KHDRBS2: variants seen among roughly 807,000 people sequenced by gnomAD.
The protein encoded by KHDRBS2 is KH domain-containing, RNA-binding, signal transduction-associated protein 2.
A neutral mutation model predicts 44.3 loss-of-function variants in KHDRBS2; 26 were observed. The ratio of observed to expected loss-of-function variants is 0.59; its 90% CI spans 0.43 to 0.81. The LOEUF (loss-of-function observed/expected upper bound fraction) is 0.81, where lower values mean the gene tolerates loss of function less well. Among genes scored for constraint, KHDRBS2 ranks in the 40% least tolerant of loss-of-function variants. The pLI, the probability that KHDRBS2 is intolerant of heterozygous loss-of-function variation, is 0.00. For synonymous variants in KHDRBS2, 194 were observed against 151.1 expected (o/e 1.28, Z -2.08); for missense variants, 476 against 433.1 (o/e 1.10, Z -0.88).
chr6:61,637,895 T>A, the KHDRBS2 span, among the ~76,000 whole-genome samples: 1 of 152,144 alleles, frequency 6.6e-6, no homozygotes. Flanking sequence ...GTTTTTTTCT[T>A]GTAAATTTGT....
intron 3 of KHDRBS2, among the ~76,000 whole-genome samples, chr6:62,034,894 T>A (rs1351128752): frequency 6.6e-6 from 1 of 151,888 alleles, no homozygotes. Context: ...GGTGTCCACA[T>A]CATTGATCAT....
At chr6:62,067,445 T>C (rs1793993893) in intron 2 of KHDRBS2, among the ~76,000 whole-genome samples, 1 of 151,546 alleles carries the variant, frequency 6.6e-6, no homozygotes, top group Non-Finnish European at 1.5e-5. Context: ...TAAATTTAAA[T>C]TGTCATGGCT....
intron 2 of KHDRBS2, among the ~76,000 whole-genome samples, chr6:62,143,417 G>A (rs932381669): frequency 2.0e-5 from 3 of 151,914 alleles, no homozygotes; most frequent in African/African-American, 7.2e-5. Context: ...ATATTTAATA[G>A]ACAAAGACAG....
rs1183370841 is a variant in KHDRBS2 at position 62,118,914 on chromosome 6, G to A, written c.219+58271C>T. ...AGTTTTGGGACTCAGACTGGCTTCCGGCTTGCAGACAGATGACCTATTAGG... is the reference window on the plus strand; with the variant it reads ...AGTTTTGGGACTCAGACTGGCTTCCAGCTTGCAGACAGATGACCTATTAGG... On this transcript the variant is annotated intron_variant, in intron 2 of 8. Coordinates refer to ENST00000281156, the MANE Select transcript of KHDRBS2 (RefSeq NM_152688.4). Among the ~76,000 whole-genome samples, 8 of 152,124 alleles carry A rather than the reference G, an allele frequency of 5.3e-5. No individual in the cohort carries two copies. In the East Asian group the frequency reaches 5.8e-4, roughly 11 times the overall value.
intron 2 of KHDRBS2, among the ~76,000 whole-genome samples, chr6:62,128,120 T>C (rs1809403576): frequency 6.6e-6 from 1 of 152,152 alleles, no homozygotes; most frequent in East Asian, 1.9e-4. Context: ...ATCGTATTAG[T>C]GTATCACAAG....
the KHDRBS2 span, among the ~76,000 whole-genome samples, chr6:61,656,753 G>A: frequency 6.6e-6 from 1 of 151,802 alleles, no homozygotes; most frequent in Non-Finnish European, 1.5e-5. Context: ...GCCGGTGCCA[G>A]CACATCACTG....
intron 1 of KHDRBS2, among the ~76,000 whole-genome samples, chr6:62,268,732 T>A (rs1476719976): frequency 3.9e-5 from 6 of 151,972 alleles, no homozygotes; most frequent in Non-Finnish European, 7.4e-5. Flanking sequence ...ACTTTGCTAC[T>A]CAGGACAGTG....
chr6:61,867,121 T>C (rs1475214098), intron 6 of KHDRBS2, among the ~76,000 whole-genome samples: 1 of 152,212 alleles, frequency 6.6e-6, no homozygotes, highest in Non-Finnish European at 1.5e-5. Flanking sequence ...TTAGTCCATT[T>C]TCAATGTGCT....
intron 3 of KHDRBS2, among the ~76,000 whole-genome samples, chr6:62,033,666 T>A (rs1415199547): frequency 6.6e-6 from 1 of 151,216 alleles, no homozygotes; most frequent in South Asian, 2.1e-4. Context: ...AATATATATA[T>A]GGCATATAGA....
chr6:62,062,032 G>A (rs1792064378), intron 2 of KHDRBS2, among the ~76,000 whole-genome samples: 1 of 151,560 alleles, frequency 6.6e-6, no homozygotes, highest in African/African-American at 2.4e-5. Flanking sequence ...CATCAAAGAA[G>A]GCCATTACAT....
intron 1 of KHDRBS2, among the ~76,000 whole-genome samples, chr6:62,266,788 AT>A (rs1481712843): frequency 6.6e-6 from 1 of 152,036 alleles, no homozygotes; most frequent in Non-Finnish European, 1.5e-5. Context: ...GAATAACTGC[AT>A]TTTTTCTCCT....
At chr6:61,948,502 A>G (rs1764055806) in intron 4 of KHDRBS2, among the ~76,000 whole-genome samples, 1 of 151,948 alleles carries the variant, frequency 6.6e-6, no homozygotes, top group South Asian at 2.1e-4. Flanking sequence ...TGAGTTTGGC[A>G]TATCCAACCA....
rs553097559 is a variant in KHDRBS2, at chr6:62,123,061, C to A, written c.219+54124G>T. 2.6e-5 allele frequency among the ~76,000 whole-genome samples: 4 copies of A among 152,194 alleles called. No homozygotes were observed. In the East Asian group the frequency reaches 7.7e-4, roughly 29 times the overall value. ...GCTATTCCTCCCCTAGACCCCCAAC[C>A]CCCAACTGGCCCCAGTGTGTGACGT... is the stretch of plus-strand genomic sequence containing the variant. On this transcript the variant is annotated intron_variant, in intron 2 of 8. Transcript: ENST00000281156.
intron 6 of KHDRBS2, among the ~76,000 whole-genome samples, chr6:61,871,659 G>A (rs746941542): frequency 2.6e-5 from 4 of 152,048 alleles, no homozygotes; most frequent in Admixed American, 2.6e-4. Flanking sequence ...CAGATCTCTC[G>A]GCAGAATCTC....
At chr6:61,583,621 G>C in the KHDRBS2 span, among the ~76,000 whole-genome samples, 7 of 151,740 alleles carry the variant, frequency 4.6e-5, no homozygotes, top group Admixed American at 3.3e-4. Flanking sequence ...TAGGTTTATA[G>C]CAAATCTGGA....
chr6:61,715,271 C>T (rs1449382200), intron 7 of KHDRBS2, among the ~76,000 whole-genome samples: 1 of 151,758 alleles, frequency 6.6e-6, no homozygotes, highest in Non-Finnish European at 1.5e-5. Context: ...ACTACATTGG[C>T]CTGGTGCAGA....
the KHDRBS2 span, among the ~76,000 whole-genome samples, chr6:61,633,264 C>T: frequency 1.3e-5 from 2 of 152,046 alleles, no homozygotes; most frequent in Admixed American, 1.3e-4. Flanking sequence ...AAGATACTCT[C>T]GAAATATGAA....
intron 4 of KHDRBS2, among the ~76,000 whole-genome samples, chr6:61,975,653 G>GCACACA (rs567222441): frequency 0.024 from 2,148 of 88,372 alleles, 46 homozygotes; most frequent in African/African-American, 0.053. Flanking sequence ...TAAGCAAGAT[G>GCACACA]CACACACACA....
intron 4 of KHDRBS2, among the ~76,000 whole-genome samples, chr6:61,915,023 CAA>C (rs2127354358): frequency 6.6e-6 from 1 of 152,092 alleles, no homozygotes; most frequent in African/African-American, 2.4e-5. Context: ...TAATCCAATC[CAA>C]AATAATAACC....
Sources: gnomAD v4.1 joint callset for allele counts (sites outside exome capture counted in the v4.1 genomes callset) on GRCh38, gnomAD v4.1.1 for gene constraint, MANE v1.5 for transcripts, NCBI Gene and HGNC (gene_info 2026-07-23, HGNC 2026-07-21) for gene names.